Variants in AIG1 observed in about 807,000 individuals in gnomAD.
The protein encoded by AIG1 is androgen induced 1, also known as androgen-induced gene 1 protein.
Under a neutral mutation model 31.4 loss-of-function variants are expected in AIG1, and 23 were observed. The observed-to-expected ratio is 0.73, with a 90% CI of 0.53 to 1.04. AIG1 has a LOEUF of 1.04. Among genes scored for constraint, AIG1 ranks in the 50% least tolerant of loss-of-function variants. AIG1 has a pLI of 0.00. For missense variants in AIG1, 274 were observed against 295.0 expected (o/e 0.93, Z 0.52); for synonymous variants, 100 against 110.5 (o/e 0.90, Z 0.60).
intron 3 of AIG1, chr6:143,189,482 A>G (rs976275692): frequency 1.0e-6 from 1 of 984,970 alleles, no homozygotes; most frequent in African/African-American, 1.7e-5. Flanking sequence ...ATCAAGCTTG[A>G]TGATATTTCA....
At chr6:143,307,171 T>C (rs1799377499) in intron 4 of AIG1, among the ~76,000 whole-genome samples, 1 of 152,230 alleles carries the variant, frequency 6.6e-6, no homozygotes, top group Non-Finnish European at 1.5e-5. Flanking sequence ...TCGGAGTAGT[T>C]TGATTGTCTG....
rs1218340568 is a variant in AIG1, at chr6:143,334,746, A to G, written c.679+1301A>G. Among the ~76,000 whole-genome samples the G allele has an allele frequency of 6.6e-6, 1 of 152,194 alleles. No individual in the cohort carries two copies. Among genetic ancestry groups the G allele is most frequent in the Non-Finnish European group, 1.5e-5 (1 of 68,018 alleles). ...CTCAGCTTCTTGGAAGAAAAACTGT[A>G]TTTAAACTTAAACGAATGTGTCCAA... On this transcript the variant is annotated intron_variant, in intron 5 of 5. Transcript: ENST00000357847. This position sits in a 1 kb window ranked among gnomAD's most constrained non-coding sequence, Gnocchi z 5.1.
chr6:143,307,900 C>A (rs1355718095), intron 4 of AIG1, among the ~76,000 whole-genome samples: 4 of 152,270 alleles, frequency 2.6e-5, no homozygotes, highest in Admixed American at 6.5e-5. Context: ...CTAAGCAAGC[C>A]TGGGCAATGG....
intron 1 of AIG1, among the ~76,000 whole-genome samples, chr6:143,135,141 A>C (rs1403992335): frequency 6.6e-6 from 1 of 152,090 alleles, no homozygotes. Flanking sequence ...ATTGTAAATA[A>C]TTACACTGGT....
At chr6:143,092,279 ATTTTTT>A (rs760340815) in intron 1 of AIG1, among the ~76,000 whole-genome samples, 2 of 117,684 alleles carry the variant, frequency 1.7e-5, no homozygotes, top group Admixed American at 8.5e-5. Context: ...TAATTTTTTG[ATTTTTT>A]TTTTTTTTTT....
intron 3 of AIG1, among the ~76,000 whole-genome samples, chr6:143,208,505 G>A (rs893338995): frequency 2.6e-5 from 4 of 152,180 alleles, no homozygotes; most frequent in Non-Finnish European, 1.5e-5. Flanking sequence ...AAGGGTCAGT[G>A]ATGCTAGGTC....
chr6:143,253,153 T>C (rs1041457665), intron 3 of AIG1, among the ~76,000 whole-genome samples: 1 of 152,224 alleles, frequency 6.6e-6, no homozygotes, highest in Non-Finnish European at 1.5e-5. Flanking sequence ...CTCGAGGGCA[T>C]GAATACCGAG....
intron 1 of AIG1, among the ~76,000 whole-genome samples, chr6:143,076,863 G>A (rs1216565727): frequency 6.6e-6 from 1 of 152,072 alleles, no homozygotes; most frequent in Non-Finnish European, 1.5e-5. Flanking sequence ...GGTAGAGACA[G>A]GGTTTCACCA....
intron 3 of AIG1, among the ~76,000 whole-genome samples, chr6:143,271,488 G>A (rs1382658498): frequency 6.6e-6 from 1 of 152,124 alleles, no homozygotes; most frequent in Non-Finnish European, 1.5e-5. Flanking sequence ...TGCTCTTATT[G>A]CTGCTAGTAG....
intron 3 of AIG1, among the ~76,000 whole-genome samples, chr6:143,234,944 G>A (rs1449298092): frequency 6.6e-6 from 1 of 152,104 alleles, no homozygotes. Flanking sequence ...GTGGCAAAGG[G>A]ATTATTCCCT....
At chr6:143,192,292 T>A (rs1789858315) in intron 3 of AIG1, among the ~76,000 whole-genome samples, 1 of 152,162 alleles carries the variant, frequency 6.6e-6, no homozygotes, top group Non-Finnish European at 1.5e-5. Context: ...AAGGAATAAG[T>A]CCTCAACAAA....
chr6:143,129,321 G>A (rs1374132077), intron 1 of AIG1, among the ~76,000 whole-genome samples: 1 of 152,014 alleles, frequency 6.6e-6, no homozygotes, highest in Non-Finnish European at 1.5e-5. Context: ...AAAGAAAATA[G>A]GAAAAAATCA....
At chr6:143,188,008 G>A in intron 3 of AIG1, 3 of 1,125,002 alleles carry the variant, frequency 2.7e-6, no homozygotes, top group Non-Finnish European at 3.3e-6. Context: ...GAGAACTTTG[G>A]CATACCACTT....
chr6:143,118,096 G>A (rs1362389023), intron 1 of AIG1, among the ~76,000 whole-genome samples: 1 of 152,104 alleles, frequency 6.6e-6, no homozygotes, highest in Non-Finnish European at 1.5e-5. Context: ...TTCAGAAAAG[G>A]ACAAAAGCAA....
chr6:143,337,516 C>G (rs1021004655), intron 5 of AIG1, among the ~76,000 whole-genome samples: 1 of 152,128 alleles, frequency 6.6e-6, no homozygotes, highest in African/African-American at 2.4e-5. Context: ...CAATTCACAG[C>G]TGAAATATTT....
downstream of AIG1, chr6:143,343,455 G>A: frequency 5.5e-6 from 2 of 364,552 alleles, no homozygotes; most frequent in East Asian, 5.8e-5. Context: ...CGGCCCTAGA[G>A]TGATCATGGC....
chr6:143,314,289 C>T (rs1236212552), intron 4 of AIG1, among the ~76,000 whole-genome samples: 1 of 151,200 alleles, frequency 6.6e-6, no homozygotes, highest in Non-Finnish European at 1.5e-5. Flanking sequence ...TCACTTGAGC[C>T]CAGGAGTTGA....
At chr6:143,266,979 G>A (rs952027776) in intron 3 of AIG1, among the ~76,000 whole-genome samples, 8 of 152,078 alleles carry the variant, frequency 5.3e-5, no homozygotes, top group African/African-American at 1.9e-4. Flanking sequence ...CCAAAAGAAG[G>A]ACCTGACCTC....
downstream of AIG1, chr6:143,342,716 A>G: frequency 9.9e-7 from 1 of 1,010,082 alleles, no homozygotes; most frequent in Non-Finnish European, 1.6e-6. Flanking sequence ...GGAGATTAAC[A>G]AGCGGTGGAA....
Sources: gnomAD v4.1 joint callset for allele counts (sites outside exome capture counted in the v4.1 genomes callset) on GRCh38, gnomAD v4.1.1 for gene constraint, Gnocchi (gnomAD v3.1) non-coding constraint, MANE v1.5 for transcripts, NCBI Gene and HGNC (gene_info 2026-07-23, HGNC 2026-07-21) for gene names.